Variants in DPYD observed in about 807,000 individuals in gnomAD.
The protein encoded by DPYD is dihydropyrimidine dehydrogenase [NADP(+)].
In DPYD, 109 loss-of-function variants were observed where a neutral mutation model predicts 116.2. That is an observed-to-expected ratio of 0.94 (90% CI 0.80 to 1.10). The LOEUF (loss-of-function observed/expected upper bound fraction) is 1.10. DPYD is among the 50% of genes least tolerant of loss of function. The pLI is 0.00. For synonymous variants in DPYD, 440 were observed against 432.0 expected (o/e 1.02, Z -0.23); for missense variants, 1,302 against 1,254.5 (o/e 1.04, Z -0.57).
chr1:97,189,787 A>G (rs1368717850), intron 20 of DPYD, among the ~76,000 whole-genome samples: 4 of 152,142 alleles, frequency 2.6e-5, no homozygotes, highest in African/African-American at 9.7e-5. Context: ...ACATACACCT[A>G]ATTTTAATAA....
At chr1:97,877,884 T>TGTACTAATTAA (rs1553254542) in intron 2 of DPYD, among the ~76,000 whole-genome samples, 1 of 152,018 alleles carries the variant, frequency 6.6e-6, no homozygotes, top group Non-Finnish European at 1.5e-5. Context: ...GACTGCTAGT[T>TGTACTAATTAA]GTACTAATTA....
At chr1:97,814,318 A>C (rs1668473751) in intron 3 of DPYD, among the ~76,000 whole-genome samples, 1 of 152,164 alleles carries the variant, frequency 6.6e-6, no homozygotes, top group African/African-American at 2.4e-5. Context: ...TTGCAAGACA[A>C]GTTAGGAGTA....
intron 2 of DPYD, among the ~76,000 whole-genome samples, chr1:97,874,863 A>T (rs1671828369): frequency 2.0e-5 from 3 of 151,944 alleles, no homozygotes; most frequent in African/African-American, 7.2e-5. Context: ...TTTTTAAGAT[A>T]TGTTATTTTT....
chr1:97,686,226 G>C lies in DPYD; in HGVS notation c.762+5491C>G, dbSNP rs534516106. Among the ~76,000 whole-genome samples the C allele has an allele frequency of 3.9e-4, 60 of 152,182 alleles. No homozygotes were observed. The South Asian group carries it at 0.012, about 29-fold the overall frequency. ...CAAACCTGACAAAAACAAGCAATGG[G>C]GAAAGGATTCCCTATTTAATAAATG... On this transcript the variant is annotated intron_variant, in intron 7 of 22. Transcript: ENST00000370192.
intron 3 of DPYD, among the ~76,000 whole-genome samples, chr1:97,789,866 C>A (rs1027177245): frequency 6.6e-6 from 1 of 152,186 alleles, no homozygotes. Flanking sequence ...TATTAGCATG[C>A]AGCTTTAACA....
chr1:97,447,768 C>A (rs1444578336), intron 14 of DPYD, among the ~76,000 whole-genome samples: 1 of 151,900 alleles, frequency 6.6e-6, no homozygotes, highest in Non-Finnish European at 1.5e-5. Context: ...ATTACAACAA[C>A]TTACTCCTAC....
intron 15 of DPYD, among the ~76,000 whole-genome samples, chr1:97,381,067 T>A (rs1671929238): frequency 6.6e-6 from 1 of 152,154 alleles, no homozygotes; most frequent in Admixed American, 6.5e-5. Context: ...TGTAGACTGC[T>A]CTCCTATGGA....
chr1:97,750,747 C>A (rs896161852), intron 3 of DPYD, among the ~76,000 whole-genome samples: 2 of 152,072 alleles, frequency 1.3e-5, no homozygotes, highest in South Asian at 2.1e-4. Flanking sequence ...CTGCTGGGCT[C>A]AAGTATACAT....
chr1:97,119,659 A>G (rs970830615), intron 20 of DPYD, among the ~76,000 whole-genome samples: 2 of 152,170 alleles, frequency 1.3e-5, no homozygotes, highest in Non-Finnish European at 2.9e-5. Flanking sequence ...CAGCTCAGGA[A>G]CTACTGACCC....
At chr1:97,172,598 T>G (rs1656811226) in intron 20 of DPYD, among the ~76,000 whole-genome samples, 1 of 152,154 alleles carries the variant, frequency 6.6e-6, no homozygotes, top group Non-Finnish European at 1.5e-5. Flanking sequence ...GTTGTAGACT[T>G]TAATGGAAGG....
intron 2 of DPYD, among the ~76,000 whole-genome samples, chr1:97,840,986 T>G (rs1277884349): frequency 6.6e-6 from 1 of 152,126 alleles, no homozygotes; most frequent in African/African-American, 2.4e-5. Context: ...GAAAAAATGA[T>G]GCTGTATCAG....
chr1:97,195,569 CATATATATATAT>C (rs1200424384), intron 19 of DPYD, among the ~76,000 whole-genome samples: 1 of 37,376 alleles, frequency 2.7e-5, no homozygotes, highest in African/African-American at 1.0e-4. Context: ...ACAGAACTCT[CATATATATATAT>C]ATATATATAT....
intron 20 of DPYD, among the ~76,000 whole-genome samples, chr1:97,108,320 T>C (rs75376263): frequency 0.012 from 1,898 of 152,202 alleles, 31 homozygotes; most frequent in Non-Finnish European, 0.013. Context: ...ACCGGTAACA[T>C]GAGGGGGTTT....
intron 16 of DPYD, chr1:97,322,963 T>C (rs191633228): frequency 6.6e-6 from 1 of 151,888 alleles, no homozygotes; most frequent in Non-Finnish European, 1.5e-5. Context: ...ACATCTGCTC[T>C]TATTTCTCAG....
chr1:97,259,608 T>C (rs1461025472), intron 18 of DPYD, among the ~76,000 whole-genome samples: 1 of 152,034 alleles, frequency 6.6e-6, no homozygotes, highest in Non-Finnish European at 1.5e-5. Context: ...GGTGGCATAA[T>C]GGGAGGCAAA....
intron 18 of DPYD, among the ~76,000 whole-genome samples, chr1:97,276,676 CAA>C (rs36074078): frequency 3.0e-3 from 345 of 116,568 alleles, no homozygotes; most frequent in African/African-American, 5.9e-3. Context: ...GACTCTGTCT[CAA>C]AAAAAAAAAA....
At chr1:97,788,334 A>G (rs564080872) in intron 3 of DPYD, among the ~76,000 whole-genome samples, 4 of 152,166 alleles carry the variant, frequency 2.6e-5, no homozygotes, top group Non-Finnish European at 4.4e-5. Flanking sequence ...TAGAATCCAG[A>G]CCTCTAGGCT....
chr1:97,686,605 C>A (rs1660745101), intron 7 of DPYD, among the ~76,000 whole-genome samples: 1 of 134,210 alleles, frequency 7.5e-6, no homozygotes, highest in South Asian at 2.3e-4. Flanking sequence ...CCACTGCACT[C>A]CAGCCTGGGC....
chr1:97,357,979 G>C (rs1670507990), intron 16 of DPYD, among the ~76,000 whole-genome samples: 1 of 152,328 alleles, frequency 6.6e-6, no homozygotes, highest in Middle Eastern at 3.4e-3. Flanking sequence ...CACTGAGGAT[G>C]AGCTGAAGCA....
Sources: gnomAD v4.1 joint callset for allele counts (sites outside exome capture counted in the v4.1 genomes callset) on GRCh38, gnomAD v4.1.1 for gene constraint, MANE v1.5 for transcripts, NCBI Gene and HGNC (gene_info 2026-07-23, HGNC 2026-07-21) for gene names.